Variants in ALKAL2 observed in about 807,000 individuals in gnomAD.
ALKAL2 encodes AUG-alpha.
ALKAL2 carries 8 observed loss-of-function variants against 18.5 expected under a neutral mutation model. The observed-to-expected ratio is 0.43, with a 90% CI of 0.25 to 0.78. The LOEUF (loss-of-function observed/expected upper bound fraction) is 0.78. Ranked by LOEUF, ALKAL2 falls within the 30% of genes least tolerant of loss-of-function variation. The pLI is 0.22. For missense variants in ALKAL2, 241 were observed against 211.2 expected, an observed-to-expected ratio of 1.14 and a Z score of -0.88; for synonymous variants, 135 against 95.8, an observed-to-expected ratio of 1.41 and a Z score of -2.39.
At chr2:285,064 G>T (rs759405005) in intron 4 of ALKAL2, among the ~76,000 whole-genome samples, 13 of 152,178 alleles carry the variant, frequency 8.5e-5, no homozygotes, top group Non-Finnish European at 1.6e-4. Context: ...GGTATGGTCA[G>T]AGGGGCCGAG....
At chr2:287,115 G>A (rs1670538398) in intron 2 of ALKAL2, 1 of 153,504 alleles carries the variant, frequency 6.5e-6, no homozygotes, top group Non-Finnish European at 1.4e-5. Context: ...TGACCCCCTA[G>A]TGAGTCTTCA....
rs370405885 is a variant in ALKAL2, at chr2:288,075, C to T, written c.-120G>A. On this transcript the variant is annotated 5_prime_UTR_variant, in exon 1 of 6. Transcript: ENST00000403610. ...AGCCGCGGTCTCCTCGACGATCACGCCCGAGGTCCCGCCCACGGGGAGCGA... is the reference window on the plus strand; with the variant it reads ...AGCCGCGGTCTCCTCGACGATCACGTCCGAGGTCCCGCCCACGGGGAGCGA... 48 of 1,196,606 alleles carry T rather than the reference C, an allele frequency of 4.0e-5. No individual in the cohort carries two copies. Among genetic ancestry groups the T allele is most frequent in the East Asian group, 2.5e-4 (7 of 27,932 alleles). 74.1% of individuals were successfully genotyped at this position (1,196,606 alleles called of 1,614,324 possible).
At chr2:287,133 C>T (rs1425355805) in intron 2 of ALKAL2, 1 of 154,338 alleles carries the variant, frequency 6.5e-6, no homozygotes, top group Non-Finnish European at 1.4e-5. Context: ...TCATTCACTC[C>T]TAACTTGACG....
At position 283,179 on chromosome 2, in the gene ALKAL2, C is replaced by T. The variant is rs746378626; in HGVS notation, c.389-4G>A. ...AGCCTGGCGCATCTTTTATAGTCTA[C>T]GGTGAAAATATATCAGACTCTTGTC... On this transcript the variant is annotated splice_polypyrimidine_tract_variant and splice_region_variant and intron_variant, in intron 4 of 5. Coordinates refer to ENST00000403610, the MANE Select transcript of ALKAL2 (RefSeq NM_001002919.3). 1.6e-5 allele frequency: 26 copies of T among 1,612,056 alleles called. No homozygotes were observed. The highest frequency in any genetic ancestry group is 1.6e-4 in the Middle Eastern group (1 of 6,080).
intron 4 of ALKAL2, chr2:285,826 A>G (rs1439500599): frequency 2.9e-6 from 1 of 342,104 alleles, no homozygotes; most frequent in Non-Finnish European, 5.4e-6. Flanking sequence ...CTGCCATAGT[A>G]GAGTACACAC....
chr2:288,033 A>T lies in ALKAL2; in HGVS notation c.-78T>A. The T allele has an allele frequency of 8.2e-7, 1 of 1,219,584 alleles. No individual in the cohort carries two copies. Among genetic ancestry groups the T allele is most frequent in the Non-Finnish European group, 1.0e-6 (1 of 981,744 alleles). The allele number at this position is 1,219,584 out of a possible 1,614,324, so 75.5% of individuals were successfully genotyped here. The stretch of plus-strand genomic sequence containing the variant: ...CTCACCTCCGCGGACCCCGAGGAAC[A>T]AGCCGGCAGGTGAGGGAGCCGCGGT... On this transcript the variant is annotated 5_prime_UTR_variant, in exon 1 of 6. Coordinates refer to ENST00000403610, the MANE Select transcript of ALKAL2 (RefSeq NM_001002919.3).
intron 4 of ALKAL2, 187 bp downstream of exon 4, chr2:285,936 C>T (rs907886500): frequency 2.5e-5 from 14 of 565,338 alleles, no homozygotes; most frequent in African/African-American, 1.5e-4. Flanking sequence ...TCCAGTTTGG[C>T]GTTAGCTGAT....
At chr2:283,229 G>C (rs543604426) in intron 4 of ALKAL2, 54 bp from the exon 5 acceptor site, 3 of 1,416,496 alleles carry the variant, frequency 2.1e-6, no homozygotes, top group Admixed American at 2.8e-5. Flanking sequence ...CAAATAAATC[G>C]CATTTTTTTG....
intron 1 of ALKAL2, 41 bp from the exon 2 acceptor site, chr2:287,933 C>T (rs919617508): frequency 1.0e-5 from 8 of 792,586 alleles, no homozygotes; most frequent in Middle Eastern, 6.0e-4. Context: ...AGAAAGTCAG[C>T]GGGGGAGGGG....
At position 287,663 on chromosome 2, in the gene ALKAL2, C is replaced by T. The variant is rs908760692; in HGVS notation, c.173G>A (p.Gly58Asp). The change falls in exon 2 of 6, where the codon GGC (glycine) becomes GAC (aspartate). Residue 58 changes from glycine (G) to aspartate (D), a missense_variant. By Grantham distance (94) the Gly-to-Asp change is moderately conservative (BLOSUM62 -1). Coordinates refer to ENST00000403610, the MANE Select transcript of ALKAL2 (RefSeq NM_001002919.3). ...LRKHHSAEHK[G>D]LQLLGRDCAL... ...GCAGTCCCGCCCGAGGAGCTGCAGGCCCTTGTGCTCCGCCGAGTGGTGCTT... is the reference window on the plus strand; with the variant it reads ...GCAGTCCCGCCCGAGGAGCTGCAGGTCCTTGTGCTCCGCCGAGTGGTGCTT... 1.3e-6 allele frequency: 2 copies of T among 1,484,648 alleles called. No individual in the cohort carries two copies. The highest frequency in any genetic ancestry group is 2.5e-5 in the South Asian group (2 of 78,720). 92.0% of individuals were successfully genotyped at this position (1,484,648 alleles called of 1,614,324 possible).
rs1255873132 is a variant in ALKAL2, at chr2:287,826, G to A, written c.10C>T (p.Pro4Ser). Residue 4 changes from proline to serine, a missense_variant, in exon 2 of 6, where the codon CCC (proline) becomes TCC (serine). Pro to Ser is a moderately conservative substitution (Grantham distance 74, BLOSUM62 -1). Coordinates refer to ENST00000403610, the MANE Select transcript of ALKAL2 (RefSeq NM_001002919.3). ...AGCCCCAGGAGGAGGGGGTGCCCGG[G>A]TCCGCGCATCGTGCGCTCGGGGCCG... MRG[P>S]GHPLLLGLLL... The A allele has an allele frequency of 6.1e-6, 8 of 1,319,434 alleles. No individual in the cohort carries two copies. Among genetic ancestry groups the A allele is most frequent in the Non-Finnish European group, 7.7e-6 (8 of 1,043,966 alleles). The allele number at this position is 1,319,434 out of a possible 1,614,324, so 81.7% of individuals were successfully genotyped here.
At chr2:284,204 T>C (rs1670434991) in intron 4 of ALKAL2, among the ~76,000 whole-genome samples, 1 of 152,232 alleles carries the variant, frequency 6.6e-6, no homozygotes, top group Non-Finnish European at 1.5e-5. Context: ...ACTTGGGCCA[T>C]GTCCAGGGTC....
intron 4 of ALKAL2, chr2:285,825 T>C: frequency 3.0e-6 from 1 of 338,744 alleles, no homozygotes; most frequent in East Asian, 6.2e-5. Flanking sequence ...ACTGCCATAG[T>C]AGAGTACACA....
intron 4 of ALKAL2, 106 bp from the exon 5 acceptor site, chr2:283,281 C>T (rs879196753): frequency 2.0e-6 from 3 of 1,495,572 alleles, no homozygotes; most frequent in South Asian, 1.3e-5. Context: ...CTTCAAATAT[C>T]TGAATTCCCT....
At chr2:287,391 C>A (rs968924250) in intron 2 of ALKAL2, 192 bp downstream of exon 2, 1 of 438,020 alleles carries the variant, frequency 2.3e-6, no homozygotes, top group South Asian at 9.2e-5. Context: ...AGAAGGAGAC[C>A]AGGCGCTTCT....
chr2:282,631 GA>G lies in ALKAL2; in HGVS notation c.453+479del, dbSNP rs374669095. 1.0e-3 allele frequency among the ~76,000 whole-genome samples: 150 copies of G among 144,690 alleles called. No homozygotes were observed. In the South Asian group the frequency reaches 0.013, roughly 12 times the overall value. 94.9% of individuals were successfully genotyped at this position (144,690 alleles called of 152,430 possible). A position where few individuals can be genotyped will look rare whatever the true frequency, so the allele number is the denominator to read the frequency against. On this transcript the variant is annotated intron_variant, in intron 5 of 5. Coordinates refer to ENST00000403610, the MANE Select transcript of ALKAL2 (RefSeq NM_001002919.3). ...TTACATTTTTACTATTAGAGGCTGT[GA>G]AAAAAAAAAACCATTGATAGAAACA...
intron 4 of ALKAL2, chr2:283,440 A>G (rs1003585861): frequency 3.0e-6 from 3 of 985,420 alleles, no homozygotes; most frequent in Non-Finnish European, 3.6e-6. Context: ...CGAAGGCTGC[A>G]TGGCTGAGCT....
At chr2:280,205 A>G (rs1670294301) in intron 5 of ALKAL2, 53 bp from the exon 6 acceptor site, 1 of 1,607,816 alleles carries the variant, frequency 6.2e-7, no homozygotes. Flanking sequence ...CTTAATGTCA[A>G]TTCCAGAAGA....
At chr2:280,444 T>C (rs1670305156) in intron 5 of ALKAL2, among the ~76,000 whole-genome samples, 1 of 152,246 alleles carries the variant, frequency 6.6e-6, no homozygotes, top group South Asian at 2.1e-4. Context: ...GCTATCAGAA[T>C]CCTCAGTAGT....
Sources: gnomAD v4.1 joint callset for allele counts (sites outside exome capture counted in the v4.1 genomes callset) on GRCh38, gnomAD v4.1.1 for gene constraint, MANE v1.5 for transcripts, NCBI Gene and HGNC (gene_info 2026-07-23, HGNC 2026-07-21) for gene names.